The following CLASRP variants were observed in gnomAD, a reference collection of about 807,000 sequenced individuals.
CLASRP encodes the protein CLK4-associating serine/arginine rich protein.
In CLASRP, 52 loss-of-function variants were observed where a neutral mutation model predicts 99.9. The observed-to-expected ratio is 0.52, with a 90% CI of 0.42 to 0.66. The LOEUF is 0.66. Ranked by LOEUF, CLASRP falls within the 30% of genes least tolerant of loss-of-function variation. The pLI is 0.00. For missense variants in CLASRP, 848 were observed against 999.2 expected (o/e 0.85, Z 2.04); for synonymous variants, 379 against 373.0 (o/e 1.02, Z -0.18).
intron 18 of CLASRP, chr19:45,069,555 A>C: frequency 1.9e-6 from 1 of 539,948 alleles, no homozygotes; most frequent in Non-Finnish European, 3.3e-6. Context: ...CCACTCACCC[A>C]CCGCCATGGG....
chr19:45,055,768 G>C (rs1293692486), intron 5 of CLASRP, among the ~76,000 whole-genome samples: 4 of 152,202 alleles, frequency 2.6e-5, no homozygotes, highest in Non-Finnish European at 5.9e-5. Context: ...GGGAGGCGGA[G>C]GTTGCGGTGA....
At chr19:45,045,036 A>G (rs1424999949) in intron 2 of CLASRP, among the ~76,000 whole-genome samples, 2 of 152,210 alleles carry the variant, frequency 1.3e-5, no homozygotes, top group Admixed American at 1.3e-4. Flanking sequence ...TTTCTTAGCC[A>G]CAGAAAAGCC....
At chr19:45,046,436 C>T (rs144554393) in intron 2 of CLASRP, among the ~76,000 whole-genome samples, 95 of 152,322 alleles carry the variant, frequency 6.2e-4, no homozygotes, top group African/African-American at 2.1e-3. Flanking sequence ...AAACAGGTCG[C>T]AGCTCAGGCG....
chr19:45,056,564 G>A (rs201756274), intron 6 of CLASRP, 30 bp downstream of exon 6: 30 of 1,580,466 alleles, frequency 1.9e-5, no homozygotes, highest in Middle Eastern at 4.0e-4. Flanking sequence ...GCAGGGGGTT[G>A]AGGAGGCAGG....
intron 2 of CLASRP, among the ~76,000 whole-genome samples, chr19:45,050,482 C>T (rs1341168986): frequency 6.6e-6 from 1 of 152,004 alleles, no homozygotes; most frequent in African/African-American, 2.4e-5. Context: ...GTCGAGAGTT[C>T]AAGACCAGCC....
chr19:45,040,361 A>G, intron 2 of CLASRP, 50 bp downstream of exon 2: 4 of 1,297,484 alleles, frequency 3.1e-6, no homozygotes, highest in East Asian at 2.4e-5. Flanking sequence ...GTTGGGGGGC[A>G]CAGCTGGTCA....
chr19:45,040,138 C>G (rs1193366415), intron 1 of CLASRP, 46 bp from the exon 2 acceptor site: 1 of 1,058,838 alleles, frequency 9.4e-7, no homozygotes, highest in Non-Finnish European at 1.4e-6. Flanking sequence ...TCTGCCCATA[C>G]GGGTTTCACA....
chr19:45,060,722 A>G lies in CLASRP; in HGVS notation c.863+95A>G, dbSNP rs1966920565. The G allele has an allele frequency of 5.9e-6, 6 of 1,015,828 alleles. No individual in the cohort carries two copies. The South Asian group carries it at 1.0e-4, about 17-fold the overall frequency. The allele number at this position is 1,015,828 out of a possible 1,614,324, so 62.9% of individuals were successfully genotyped here. On this transcript the variant is annotated intron_variant, in intron 10 of 20. Coordinates refer to ENST00000221455, the MANE Select transcript of CLASRP (RefSeq NM_007056.3). The surrounding 1 kb of genome is among the most constrained non-coding windows in gnomAD (Gnocchi z 4.6). ...AAAGCTCTTTGGAGGCAGGCATTTG[A>G]CTTGAGAAAGGAGTCTTTCTAGTGG...
chr19:45,057,926 C>T (rs763813777), intron 7 of CLASRP, 28 bp downstream of exon 7: 4 of 1,612,492 alleles, frequency 2.5e-6, no homozygotes, highest in South Asian at 1.1e-5. Context: ...CCCTCCCCAC[C>T]TGCAGTCCCT....
At chr19:45,045,760 T>TG (rs1195765433) in intron 2 of CLASRP, among the ~76,000 whole-genome samples, 1 of 152,134 alleles carries the variant, frequency 6.6e-6, no homozygotes, top group Admixed American at 6.6e-5. Context: ...GTTGGAGTGT[T>TG]GGACACATGG....
intron 5 of CLASRP, among the ~76,000 whole-genome samples, chr19:45,054,392 G>A (rs1444237491): frequency 6.6e-6 from 1 of 152,178 alleles, no homozygotes; most frequent in Non-Finnish European, 1.5e-5. Context: ...TGGGATTACC[G>A]GCGCATGCCA....
chr19:45,067,525 C>A lies in CLASRP; in HGVS notation c.1598C>A (p.Ser533Ter). ...SRSRSRSQSPSPSPAREKLTR... is the reference protein window; with the variant it reads ...SRSRSRSQSP The stretch of plus-strand genomic sequence containing the variant: ...AGCCGCAGCCGCAGCCAGAGCCCCT[C>A]GCCATCACCCGCAAGAGAGAAGCTG... The change falls in exon 14 of 21, where the codon TCG (serine) becomes TAG (stop). Residue 533 changes from serine (S) to a stop codon, truncating the protein, a stop_gained. Transcript: ENST00000221455. LOFTEE classifies it high-confidence loss of function. This position sits in a 1 kb window ranked among gnomAD's most constrained non-coding sequence, Gnocchi z 4.9. The A allele has an allele frequency of 6.2e-7, 1 of 1,601,362 alleles. No homozygotes were observed. Among genetic ancestry groups the A allele is most frequent in the East Asian group, 2.2e-5 (1 of 44,666 alleles).
intron 5 of CLASRP, among the ~76,000 whole-genome samples, chr19:45,054,904 T>C (rs1473315058): frequency 2.6e-5 from 4 of 152,162 alleles, no homozygotes; most frequent in Non-Finnish European, 5.9e-5. Context: ...AGTCCAGTAT[T>C]TGTTTATTTC....
At position 45,068,753 on chromosome 19, in the gene CLASRP, C is replaced by T. The variant is rs572891721; in HGVS notation, c.1768+273C>T. ...GTGGCTCACACCTGTAATCCCAGCA[C>T]TTTGGGAGGCCGAGGTGGGCGGATC... On this transcript the variant is annotated intron_variant, in intron 16 of 20. Transcript: ENST00000221455. Among the ~76,000 whole-genome samples, 4 of 151,636 alleles carry T rather than the reference C, an allele frequency of 2.6e-5. No homozygotes were observed. The East Asian group carries it at 7.9e-4, about 30-fold the overall frequency.
chr19:45,043,921 G>T (rs1027072436), intron 2 of CLASRP, among the ~76,000 whole-genome samples: 1 of 151,520 alleles, frequency 6.6e-6, no homozygotes, highest in Non-Finnish European at 1.5e-5. Context: ...TGGCTCTGTC[G>T]CCCAGGCTGG....
intron 2 of CLASRP, among the ~76,000 whole-genome samples, chr19:45,043,195 T>TTGTGTGTGTGTGTGTGTG (rs58669276): frequency 1.5e-5 from 2 of 134,690 alleles, no homozygotes; most frequent in African/African-American, 2.8e-5. Flanking sequence ...AAGGAATACT[T>TTGTGTGTGTGTGTGTGTG]TGTGTGTGTG....
At chr19:45,052,223 C>G in intron 3 of CLASRP, 55 bp downstream of exon 3, 1 of 1,468,000 alleles carries the variant, frequency 6.8e-7, no homozygotes. Flanking sequence ...TCAAAACGGA[C>G]CTGGGGTGGT....
chr19:45,062,878 C>T (rs1242340302), intron 11 of CLASRP, among the ~76,000 whole-genome samples: 3 of 152,098 alleles, frequency 2.0e-5, no homozygotes, highest in Non-Finnish European at 2.9e-5. Context: ...GTCGTTGTCT[C>T]GTGGATGAAA....
chr19:45,054,686 C>G (rs1195040804), intron 5 of CLASRP, among the ~76,000 whole-genome samples: 1 of 152,154 alleles, frequency 6.6e-6, no homozygotes, highest in African/African-American at 2.4e-5. Context: ...TTGAGATTCC[C>G]TTTCTTGGGA....
Sources: gnomAD v4.1 joint callset for allele counts (sites outside exome capture counted in the v4.1 genomes callset) on GRCh38, gnomAD v4.1.1 for gene constraint, Gnocchi (gnomAD v3.1) non-coding constraint, MANE v1.5 for transcripts, NCBI Gene and HGNC (gene_info 2026-07-23, HGNC 2026-07-21) for gene names.